Variants in PRKG1 observed in about 807,000 individuals in gnomAD.
PRKG1 encodes protein kinase cGMP-dependent 1.
In PRKG1, 35 loss-of-function variants were observed where a neutral mutation model predicts 88.1. That is an observed-to-expected ratio of 0.40 (90% CI 0.30 to 0.53). The LOEUF is 0.53. Among genes scored for constraint, PRKG1 ranks in the 20% least tolerant of loss-of-function variants. The pLI is 0.59. For synonymous variants in PRKG1, 303 were observed against 292.5 expected (o/e 1.04, Z -0.37); for missense variants, 540 against 839.8 (o/e 0.64, Z 4.41).
At position 52,106,129 on chromosome 10, in the gene PRKG1, A is replaced by G. The variant is rs1299925137; in HGVS notation, c.936-27711A>G. ...AATAATAGTCTCCAACTCCACCCAG[A>G]ATGCTTATTTTAAAAATAGCAATAA... On this transcript the variant is annotated intron_variant, in intron 7 of 17. Transcript: ENST00000373980. 2.0e-5 allele frequency among the ~76,000 whole-genome samples: 3 copies of G among 152,320 alleles called. 1 individual carries two copies. In the South Asian group the frequency reaches 6.2e-4, roughly 32 times the overall value.
intron 3 of PRKG1, among the ~76,000 whole-genome samples, chr10:51,744,950 A>G (rs952327054): frequency 1.3e-5 from 2 of 152,170 alleles, no homozygotes; most frequent in Non-Finnish European, 2.9e-5. Context: ...TATTTTTTCA[A>G]CGCCTGGTTG....
At chr10:51,603,145 A>G (rs1838661739) in intron 3 of PRKG1, among the ~76,000 whole-genome samples, 1 of 151,934 alleles carries the variant, frequency 6.6e-6, no homozygotes, top group Non-Finnish European at 1.5e-5. Flanking sequence ...TTTAGTAGAG[A>G]CGGGGTTTCA....
intron 4 of PRKG1, among the ~76,000 whole-genome samples, chr10:51,848,464 G>C (rs768744523): frequency 3.3e-5 from 5 of 152,104 alleles, no homozygotes; most frequent in African/African-American, 4.8e-5. Flanking sequence ...CACTTGGACA[G>C]TTTTCTTATA....
chr10:51,695,045 A>AT (rs924794534), intron 3 of PRKG1, among the ~76,000 whole-genome samples: 71 of 152,082 alleles, frequency 4.7e-4, no homozygotes, highest in African/African-American at 1.7e-3. Context: ...TCTTAATGGG[A>AT]TTTTTTCCCC....
At chr10:52,019,493 A>G (rs1241598669) in intron 5 of PRKG1, among the ~76,000 whole-genome samples, 1 of 152,188 alleles carries the variant, frequency 6.6e-6, no homozygotes, top group Non-Finnish European at 1.5e-5. Context: ...AGTTTTTGAA[A>G]GTAACTTTTC....
rs116147364 is a variant in PRKG1, at chr10:52,013,111, A to G, written c.763-41373A>G. The stretch of plus-strand genomic sequence containing the variant: ...AAGCAGGGTGTGATAAAGGTTAACC[A>G]GTGCTTCAAGAAAGATGGTTGGGAG... On this transcript the variant is annotated intron_variant, in intron 5 of 17. Coordinates refer to ENST00000373980, the MANE Select transcript of PRKG1 (RefSeq NM_006258.4). Among the ~76,000 whole-genome samples the G allele has an allele frequency of 5.0e-3, 760 of 152,194 alleles. 9 individuals carry two copies. The highest frequency in any genetic ancestry group is 0.017 in the African/African-American group (701 of 41,528).
At chr10:51,534,663 T>A (rs1481061593) in intron 3 of PRKG1, among the ~76,000 whole-genome samples, 1 of 54,226 alleles carries the variant, frequency 1.8e-5, no homozygotes. Context: ...CGAGACTCTG[T>A]CTCAAAAAAA....
chr10:52,072,485 A>AT (rs1228381349), intron 7 of PRKG1, among the ~76,000 whole-genome samples: 1 of 151,946 alleles, frequency 6.6e-6, no homozygotes, highest in Non-Finnish European at 1.5e-5. Context: ...TCATAGTAAC[A>AT]TTTTTTCTCC....
At chr10:51,408,529 C>T (rs1173404336) in intron 2 of PRKG1, among the ~76,000 whole-genome samples, 1 of 152,192 alleles carries the variant, frequency 6.6e-6, no homozygotes, top group African/African-American at 2.4e-5. Context: ...CAAACCTCTG[C>T]CCTTTCCTTG....
chr10:52,116,635 A>T (rs1847693902), intron 7 of PRKG1, among the ~76,000 whole-genome samples: 1 of 152,038 alleles, frequency 6.6e-6, no homozygotes, highest in Non-Finnish European at 1.5e-5. Context: ...GCAGTGTGAC[A>T]CTCATGATGG....
At chr10:51,124,141 G>C (rs976613405) in intron 1 of PRKG1, among the ~76,000 whole-genome samples, 3 of 152,038 alleles carry the variant, frequency 2.0e-5, no homozygotes, top group Non-Finnish European at 4.4e-5. Flanking sequence ...GATATGATCT[G>C]GGGGTCAATC....
intron 2 of PRKG1, among the ~76,000 whole-genome samples, chr10:51,439,868 G>A (rs1223641059): frequency 3.3e-5 from 5 of 151,908 alleles, no homozygotes; most frequent in Middle Eastern, 6.8e-3. Flanking sequence ...GCTTTTTATG[G>A]CCCCATAAAT....
At chr10:52,001,285 A>C (rs894384230) in intron 5 of PRKG1, among the ~76,000 whole-genome samples, 22 of 151,930 alleles carry the variant, frequency 1.4e-4, no homozygotes, top group Non-Finnish European at 5.9e-5. Context: ...ACAGAGACCT[A>C]ATGTACAACA....
At chr10:51,928,778 G>A (rs4558118) in intron 5 of PRKG1, among the ~76,000 whole-genome samples, 1 of 152,142 alleles carries the variant, frequency 6.6e-6, no homozygotes, top group Non-Finnish European at 1.5e-5. Flanking sequence ...GACCCACAAA[G>A]AGATACAGTT....
intron 5 of PRKG1, among the ~76,000 whole-genome samples, chr10:51,998,928 T>C (rs770901330): frequency 1.3e-5 from 2 of 152,152 alleles, no homozygotes; most frequent in Non-Finnish European, 2.9e-5. Context: ...CCCAGAGCAA[T>C]AAGCAAAAGC....
intron 14 of PRKG1, among the ~76,000 whole-genome samples, chr10:52,284,363 C>T (rs1842065590): frequency 6.6e-6 from 1 of 151,362 alleles, no homozygotes; most frequent in South Asian, 2.1e-4. Flanking sequence ...TTAAACATAC[C>T]TAAACTTAAT....
In PRKG1 at chr10:52,033,025, G is replaced by T. The variant is rs1845509282; in HGVS notation, c.763-21459G>T. ...AAATTTTTTTATACTTAGGATGTGG[G>T]CTTTATCCTAGCAGGGAGAGAGACT... On this transcript the variant is annotated intron_variant, in intron 5 of 17. Transcript: ENST00000373980. Among the ~76,000 whole-genome samples the T allele has an allele frequency of 2.0e-5, 3 of 152,122 alleles. No homozygotes were observed. The South Asian group carries it at 6.2e-4, about 32-fold the overall frequency.
chr10:52,272,256 G>T (rs1421344647), intron 11 of PRKG1, 136 bp from the exon 12 acceptor site: 3 of 553,024 alleles, frequency 5.4e-6, no homozygotes, highest in South Asian at 3.0e-5. Context: ...TTCCCCATGT[G>T]TGGGCTTAGA....
chr10:51,538,404 C>CAT (rs1334926721), intron 3 of PRKG1, among the ~76,000 whole-genome samples: 1 of 146,484 alleles, frequency 6.8e-6, no homozygotes, highest in East Asian at 2.1e-4. Flanking sequence ...CATATATATA[C>CAT]ATATACATAT....
Sources: allele counts gnomAD v4.1 joint callset (sites outside exome capture counted in the v4.1 genomes callset), GRCh38; gene constraint gnomAD v4.1.1; transcripts MANE v1.5; gene names NCBI Gene and HGNC (gene_info 2026-07-23, HGNC 2026-07-21).